Variants in CHD8 observed in about 807,000 individuals in gnomAD.
CHD8 encodes the protein ATP-dependent chromatin remodeler CHD8.
CHD8 carries 31 observed loss-of-function variants against 279.2 expected under a neutral mutation model. The ratio of observed to expected loss-of-function variants is 0.11; its 90% CI spans 0.08 to 0.15. The LOEUF is 0.15. Among genes scored for constraint, CHD8 ranks in the 10% least tolerant of loss-of-function variants. The pLI, the probability that CHD8 is intolerant of heterozygous loss-of-function variation, is 1.00. For missense variants in CHD8, 2,146 were observed against 3,230.5 expected (o/e 0.66, Z 8.14); for synonymous variants, 1,081 against 1,139.6 (o/e 0.95, Z 1.04).
chr14:21,426,007 C>T (rs1008801325), intron 5 of CHD8, 121 bp downstream of exon 5: 34 of 639,252 alleles, frequency 5.3e-5, no homozygotes, highest in Middle Eastern at 2.5e-4. Flanking sequence ...TTTAGGCCTA[C>T]GCCCAGTTTA....
In CHD8 at chr14:21,415,744, G is replaced by A; in HGVS notation, c.1880C>T (p.Pro627Leu). ...GCTTACCACAAAGAACTGCATGGAA[G>A]GCAAAGTCTCGCCATCTGGTTCTTG... ...PVQEPDGETL[P>L]SMQFFVENPS... Residue 627 changes from proline (P) to leucine (L), a missense_variant, in exon 6 of 38, where the codon CCT (proline) becomes CTT (leucine). Transcript: ENST00000646647. 2 of 1,613,858 alleles carry A rather than the reference G, an allele frequency of 1.2e-6. No individual in the cohort carries two copies. The highest frequency in any genetic ancestry group is 1.7e-6 in the Non-Finnish European group (2 of 1,179,798).
At chr14:21,413,089 CA>C in intron 9 of CHD8, 93 bp from the exon 10 acceptor site, 1 of 762,648 alleles carries the variant, frequency 1.3e-6, no homozygotes, top group Non-Finnish European at 2.3e-6. Flanking sequence ...AATCCTACTT[CA>C]AAATTTTTAA....
chr14:21,404,168 C>T (rs926000951), intron 16 of CHD8, among the ~76,000 whole-genome samples: 9 of 151,514 alleles, frequency 5.9e-5, no homozygotes, highest in East Asian at 1.9e-4. Flanking sequence ...GAGACCGAAG[C>T]GGGCAGATCA....
intron 32 of CHD8, 106 bp from the exon 33 acceptor site, chr14:21,393,360 T>C: frequency 6.5e-7 from 1 of 1,530,462 alleles, no homozygotes; most frequent in South Asian, 1.3e-5. Flanking sequence ...TGGCACTCTT[T>C]TGACATTTTA....
At chr14:21,438,057 T>C (rs1337072474) in intron 1 of CHD8, among the ~76,000 whole-genome samples, 1 of 152,064 alleles carries the variant, frequency 6.6e-6, no homozygotes, top group Non-Finnish European at 1.5e-5. Flanking sequence ...TCCACCAAAG[T>C]AAACTTGTTT....
rs1182822270 is a variant in CHD8 at position 21,405,599 on chromosome 14, T to C, written c.3051+122A>G. 6.9e-7 allele frequency: 1 copy of C among 1,444,826 alleles called. No homozygotes were observed. Among genetic ancestry groups the C allele is most frequent in the East Asian group, 2.3e-5 (1 of 44,054 alleles). The allele number at this position is 1,444,826 out of a possible 1,614,324, so 89.5% of individuals were successfully genotyped here. A position where few individuals can be genotyped will look rare whatever the true frequency, so the allele number is the denominator to read the frequency against. The stretch of plus-strand genomic sequence containing the variant: ...ACTTTGGATGATGCCACAAATGATG[T>C]AGGCACAAGGTTATAAGGAGTTCAG... On this transcript the variant is annotated intron_variant, in intron 15 of 37. Coordinates refer to ENST00000646647, the MANE Select transcript of CHD8 (RefSeq NM_001170629.2). This position sits in a 1 kb window ranked among gnomAD's most constrained non-coding sequence, Gnocchi z 4.2.
rs369329090 is a variant in CHD8, at chr14:21,430,977, C to T, written c.667G>A (p.Val223Met). ...PGVSIVSGNT[V>M]LAAKVPGNQA... ...TTCCCAGGGACCTTGGCGGCCAACA[C>T]TGTATTACCAGAGACAATGGAAACA... Residue 223 changes from valine (V) to methionine (M), a missense_variant, in exon 2 of 38, where the codon GTG (valine) becomes ATG (methionine). Val to Met is a conservative substitution (Grantham distance 21). This residue lies in a region of CHD8 where 302 missense variants were observed against 325.5 expected (regional missense o/e 0.93). Transcript: ENST00000646647. 5 of 1,599,602 alleles carry T rather than the reference C, an allele frequency of 3.1e-6. No individual in the cohort carries two copies. Among genetic ancestry groups the T allele is most frequent in the South Asian group, 1.1e-5 (1 of 91,084 alleles).
At chr14:21,399,863 C>A in intron 25 of CHD8, 118 bp downstream of exon 25, 1 of 1,023,074 alleles carries the variant, frequency 9.8e-7, no homozygotes, top group Admixed American at 1.8e-5. Flanking sequence ...AGATTAAAGA[C>A]CTGATATATA....
rs919185811 is a variant in CHD8, at chr14:21,403,404, T to G, written c.3518+49A>C. On this transcript the variant is annotated intron_variant, in intron 17 of 37. Transcript: ENST00000646647. This position sits in a 1 kb window ranked among gnomAD's most constrained non-coding sequence, Gnocchi z 4.3. ...AAATCCAGGCCCTCCTACTTTTTGC[T>G]GCTTTATGAGGACAGAGTAACCACA... 9.5e-6 allele frequency: 14 copies of G among 1,472,906 alleles called. No homozygotes were observed. Among genetic ancestry groups the G allele is most frequent in the Non-Finnish European group, 1.3e-5 (14 of 1,068,108 alleles). 91.2% of individuals were successfully genotyped at this position (1,472,906 alleles called of 1,614,324 possible). A position where few individuals can be genotyped will look rare whatever the true frequency, so the allele number is the denominator to read the frequency against.
chr14:21,416,778 T>A (rs970689795), intron 5 of CHD8, among the ~76,000 whole-genome samples: 10 of 152,042 alleles, frequency 6.6e-5, no homozygotes, highest in African/African-American at 2.4e-4. Flanking sequence ...TAATAAAAGA[T>A]CCCATTTATG....
rs952401092 is a variant in CHD8 at position 21,393,144 on chromosome 14, G to C, written c.6430C>G (p.Leu2144Val). 6.2e-7 allele frequency: 1 copy of C among 1,613,808 alleles called. No homozygotes were observed. The highest frequency in any genetic ancestry group is 1.3e-5 in the African/African-American group (1 of 74,898). Residue 2144 changes from leucine to valine, a missense_variant, in exon 33 of 38, where the codon CTA (leucine) becomes GTA (valine). Physicochemically the swap from Leu to Val is conservative, Grantham distance 32 (BLOSUM62 1). Transcript: ENST00000646647. ...GAGGCTCTTTGTCTTTCCTGCAGTA[G>C]CAGAAGCTCAGGGGTCATTTGTTCT... ...DGEQMTPELL[L>V]LQERQRASEW...
rs10144452 is a variant in CHD8, at chr14:21,435,110, T to C, written c.-215-3252A>G. On this transcript the variant is annotated intron_variant, in intron 1 of 37. Coordinates refer to ENST00000646647, the MANE Select transcript of CHD8 (RefSeq NM_001170629.2). ...AGTCCCCAAAAGAGAAACACATGTA[T>C]GTGCTCAAAAGGAAAGACAAAACTT... 3.8e-3 allele frequency among the ~76,000 whole-genome samples: 583 copies of C among 152,344 alleles called. 1 individual carries two copies. Among genetic ancestry groups the C allele is most frequent in the African/African-American group, 0.014 (564 of 41,580 alleles).
rs868527880 is a variant in CHD8, at chr14:21,414,345, G to A, written c.2098C>T (p.Arg700Cys). Residue 700 changes from arginine to cysteine, a missense_variant, in exon 9 of 38, where the codon CGC becomes TGC. Physicochemically the swap from Arg to Cys is radical, Grantham distance 180 (BLOSUM62 -3). This residue lies in a region of CHD8 where 211 missense variants were observed against 464.7 expected (regional missense o/e 0.45). Coordinates refer to ENST00000646647, the MANE Select transcript of CHD8 (RefSeq NM_001170629.2). ...KDKRIHQKLKRFKTKMAQMRH... is the reference protein window; with the variant it reads ...KDKRIHQKLKCFKTKMAQMRH... ...ATCTGAGCCATTTTGGTTTTGAAGC[G>A]CTTTAATTTTTGATGTATCCTCTTA... 3 of 1,575,734 alleles carry A rather than the reference G, an allele frequency of 1.9e-6. No homozygotes were observed. The highest frequency in any genetic ancestry group is 1.2e-5 in the South Asian group (1 of 86,150).
At position 21,412,963 on chromosome 14, in the gene CHD8, C is replaced by T; in HGVS notation, c.2176G>A (p.Val726Met). The change falls in exon 10 of 38, where the codon GTG becomes ATG. Residue 726 changes from valine (V) to methionine (M), a missense_variant. Coordinates refer to ENST00000646647, the MANE Select transcript of CHD8 (RefSeq NM_001170629.2). Reference protein sequence around the residue: ...EEPFNPDYVEVDRILDESHSI... With the variant: ...EEPFNPDYVEMDRILDESHSI... ...TGAGACTCATCCAATATCCTATCCA[C>T]CTCTACGTAGTCTGGATTAAAGGGC... 2 of 1,611,054 alleles carry T rather than the reference C, an allele frequency of 1.2e-6. No homozygotes were observed. The highest frequency in any genetic ancestry group is 1.7e-6 in the Non-Finnish European group (2 of 1,177,476).
chr14:21,435,475 C>T (rs1485122577), intron 1 of CHD8, among the ~76,000 whole-genome samples: 2 of 152,154 alleles, frequency 1.3e-5, no homozygotes, highest in East Asian at 3.8e-4. Flanking sequence ...AATCTAGAGT[C>T]CCAACTCTCT....
Position 21,407,000 on chromosome 14 carries a change from G to T in CHD8, c.2763C>A (p.Asp921Glu). Residue 921 changes from aspartate to glutamate, a missense_variant, in exon 14 of 38, where the codon GAC (aspartate) becomes GAA (glutamate). Asp to Glu is a conservative substitution (Grantham distance 45). This residue lies in a region of CHD8 where 211 missense variants were observed against 464.7 expected (regional missense o/e 0.45). Coordinates refer to ENST00000646647, the MANE Select transcript of CHD8 (RefSeq NM_001170629.2). Reference sequence around the variant, plus strand: ...TCATCTCAAAAGTGGTGATCAGAGCGTCAAACTTGTATGCGCCTGGGATGA... The same window carrying T: ...TCATCTCAAAAGTGGTGATCAGAGCTTCAAACTTGTATGCGCCTGGGATGA... ...GRLIPGAYKF[D>E]ALITTFEMIL... 1.3e-6 allele frequency: 2 copies of T among 1,596,570 alleles called. No individual in the cohort carries two copies. Among genetic ancestry groups the T allele is most frequent in the Non-Finnish European group, 1.7e-6 (2 of 1,170,970 alleles).
chr14:21,427,975 C>T lies in CHD8; in HGVS notation c.1495G>A (p.Glu499Lys). 5 of 1,614,060 alleles carry T rather than the reference C, an allele frequency of 3.1e-6. No individual in the cohort carries two copies. Among genetic ancestry groups the T allele is most frequent in the East Asian group, 2.2e-5 (1 of 44,894 alleles). Residue 499 changes from glutamate (E) to lysine (K), a missense_variant, in exon 4 of 38, where the codon GAG becomes AAG. Transcript: ENST00000646647. ...LPSVRPEEEG[E>K]KKRRKKSAGE... ...GCACTCTTCTTCCTGCGTTTCTTCT[C>T]GCCTTCCTCCTCTGGCCGAACGCTG...
At chr14:21,449,171 C>T (rs894425875) in intron 1 of CHD8, among the ~76,000 whole-genome samples, 10 of 151,834 alleles carry the variant, frequency 6.6e-5, no homozygotes, top group Non-Finnish European at 1.2e-4. Context: ...GAGACTTCAT[C>T]GCAAAATAAA....
At chr14:21,392,897 G>C in intron 33 of CHD8, 88 bp from the exon 34 acceptor site, 2 of 1,363,122 alleles carry the variant, frequency 1.5e-6, no homozygotes, top group South Asian at 2.7e-5. Flanking sequence ...ATCACTACCA[G>C]GATGGGTAAA....
Sources: allele counts gnomAD v4.1 joint callset (sites outside exome capture counted in the v4.1 genomes callset), GRCh38; gene constraint gnomAD v4.1.1; regional missense constraint gnomAD v4.1.1; non-coding constraint Gnocchi (gnomAD v3.1); transcripts MANE v1.5; gene names NCBI Gene and HGNC (gene_info 2026-07-23, HGNC 2026-07-21).